Variants in CYRIB observed in about 807,000 individuals in gnomAD.
CYRIB encodes CYFIP related Rac1 interactor B.
In CYRIB, 8 loss-of-function variants were observed where a neutral mutation model predicts 44.2. The observed-to-expected ratio is 0.18, with a 90% confidence interval of 0.11 to 0.33. The LOEUF (loss-of-function observed/expected upper bound fraction) is 0.33. Among genes scored for constraint, CYRIB ranks in the 10% least tolerant of loss-of-function variants. CYRIB has a pLI of 1.00. For synonymous variants in CYRIB, 131 were observed against 127.2 expected (o/e 1.03, Z -0.20); for missense variants, 185 against 382.8 (o/e 0.48, Z 4.31).
exon 6 of CYRIB, chr8:129,855,674 C>A: frequency 6.2e-7 from 1 of 1,613,998 alleles, no homozygotes; most frequent in Non-Finnish European, 8.5e-7. Context: ...CAAGAGCCTG[C>A]TCTCGCTCTA....
intron 1 of CYRIB, among the ~76,000 whole-genome samples, chr8:129,914,488 G>A (rs992291244): frequency 6.6e-6 from 1 of 152,142 alleles, no homozygotes; most frequent in African/African-American, 2.4e-5. Flanking sequence ...TAAAATGTTT[G>A]AAGCTGATTC....
intron 1 of CYRIB, among the ~76,000 whole-genome samples, chr8:129,990,099 TC>T (rs996839018): frequency 2.0e-5 from 3 of 152,126 alleles, no homozygotes; most frequent in Non-Finnish European, 4.4e-5. Flanking sequence ...TTAGAGCACT[TC>T]CCCATCTATG....
At chr8:130,009,849 A>G (rs1312221533) in intron 1 of CYRIB, among the ~76,000 whole-genome samples, 7 of 152,248 alleles carry the variant, frequency 4.6e-5, no homozygotes, top group African/African-American at 1.7e-4. Context: ...AAGGTCATGC[A>G]GCGCTGAGAA....
At chr8:129,997,119 A>AAGGAAGGAGGAGG (rs1554770835) in intron 1 of CYRIB, among the ~76,000 whole-genome samples, 1 of 89,894 alleles carries the variant, frequency 1.1e-5, no homozygotes, top group African/African-American at 1.0e-4. Flanking sequence ...GGAAGGAAGG[A>AAGGAAGGAGGAGG]AGGAGGAGGA....
chr8:129,959,518 T>C (rs1026468074), intron 2 of CYRIB, among the ~76,000 whole-genome samples: 1 of 152,152 alleles, frequency 6.6e-6, no homozygotes, highest in African/African-American at 2.4e-5. Flanking sequence ...CTCACGCCTG[T>C]AATCCCAGCA....
At chr8:129,873,116 AACATTCATATGTAAAGTC>A (rs2057932474) in intron 3 of CYRIB, among the ~76,000 whole-genome samples, 1 of 152,026 alleles carries the variant, frequency 6.6e-6, no homozygotes, top group Non-Finnish European at 1.5e-5. Context: ...ACAATAAAGT[AACATTCATATGTAAAGTC>A]AACTTAAGAA....
Position 129,987,493 on chromosome 8 carries a change from T to C in CYRIB, c.-295-16498A>G, listed in dbSNP as rs538937422. ...ATGCAAACACACCATCCCTCTCTCA[T>C]TGTGGGCCCCGGACTACATTCTCTC... On this transcript the variant is annotated intron_variant, in intron 1 of 14. Transcript: ENST00000401979. 6.6e-5 allele frequency among the ~76,000 whole-genome samples: 10 copies of C among 152,098 alleles called. No homozygotes were observed. In the South Asian group the frequency reaches 1.5e-3, roughly 22 times the overall value.
At chr8:129,915,752 C>A (rs2080422080) in intron 1 of CYRIB, among the ~76,000 whole-genome samples, 2 of 152,140 alleles carry the variant, frequency 1.3e-5, no homozygotes, top group Non-Finnish European at 2.9e-5. Flanking sequence ...AGGCTTGCCA[C>A]AACCCACTAA....
At chr8:129,897,869 G>A (rs951910308) in intron 2 of CYRIB, among the ~76,000 whole-genome samples, 5 of 151,984 alleles carry the variant, frequency 3.3e-5, no homozygotes, top group Admixed American at 2.6e-4. Flanking sequence ...GGGTTCAAGT[G>A]ATTCTCCTGC....
chr8:129,886,609 AAT>A (rs1261908744), intron 2 of CYRIB, among the ~76,000 whole-genome samples: 1 of 152,072 alleles, frequency 6.6e-6, no homozygotes, highest in Admixed American at 6.6e-5. Flanking sequence ...AACCCACTGC[AAT>A]GTGGCTTTTA....
intron 2 of CYRIB, among the ~76,000 whole-genome samples, chr8:129,959,766 C>T (rs1321649447): frequency 2.6e-5 from 4 of 152,206 alleles, no homozygotes; most frequent in Non-Finnish European, 5.9e-5. Flanking sequence ...ATTCCAAGGG[C>T]AGGTCCTGAA....
At chr8:129,919,737 T>C (rs1439073701) in intron 1 of CYRIB, among the ~76,000 whole-genome samples, 2 of 152,204 alleles carry the variant, frequency 1.3e-5, no homozygotes, top group African/African-American at 2.4e-5. Flanking sequence ...TGTTAGCATA[T>C]ACACTAAACT....
intron 9 of CYRIB, 56 bp from the exon 12 acceptor site, chr8:129,849,425 A>C: frequency 6.6e-7 from 1 of 1,526,368 alleles, no homozygotes; most frequent in Non-Finnish European, 8.8e-7. Context: ...TCTTTTTAAA[A>C]ACACACACAC....
intron 2 of CYRIB, among the ~76,000 whole-genome samples, chr8:129,881,048 A>G (rs1345721395): frequency 2.0e-5 from 3 of 152,236 alleles, no homozygotes; most frequent in Non-Finnish European, 4.4e-5. Flanking sequence ...ATAATCAACT[A>G]TACACAACTA....
At chr8:129,867,633 T>C (rs1269253241) in intron 4 of CYRIB, among the ~76,000 whole-genome samples, 2 of 151,952 alleles carry the variant, frequency 1.3e-5, no homozygotes, top group Admixed American at 6.5e-5. Flanking sequence ...AATTCAACAT[T>C]ATTAGTACAG....
chr8:130,006,555 G>T (rs569975017), intron 1 of CYRIB, among the ~76,000 whole-genome samples: 1 of 88,022 alleles, frequency 1.1e-5, no homozygotes, highest in African/African-American at 3.7e-5. Flanking sequence ...GATCAGCCTG[G>T]CCAACATGGT....
Position 129,853,070 on chromosome 8 carries a change from G to A in CYRIB, c.517-792C>T, listed in dbSNP as rs2044195564. Among the ~76,000 whole-genome samples the A allele has an allele frequency of 3.3e-5, 5 of 152,158 alleles. No individual in the cohort carries two copies. In the South Asian group the frequency reaches 1.0e-3, roughly 32 times the overall value. ...AGAAAGAGTGGGAATTAGGCTCTCT[G>A]TTGGAACAGTGGGAGGAGGAGATGG... On this transcript the variant is annotated intron_variant, in intron 7 of 11. Transcript: ENST00000519824.
rs2063564024 is a variant in CYRIB, at chr8:129,888,216, AC to A, written c.-10-8746del. Among the ~76,000 whole-genome samples, 3 of 152,132 alleles carry A rather than the reference AC, an allele frequency of 2.0e-5. No individual in the cohort carries two copies. The South Asian group carries it at 6.2e-4, about 32-fold the overall frequency. On this transcript the variant is annotated intron_variant, in intron 2 of 11. Coordinates refer to ENST00000519824, the Ensembl canonical transcript of CYRIB. Reference sequence around the variant, plus strand: ...ATCTGGTTCTTTTAAAGGGTGGGGCACTTCCCCATCTCTCTTCCTCCTGCTC... The same window carrying A: ...ATCTGGTTCTTTTAAAGGGTGGGGCATTCCCCATCTCTCTTCCTCCTGCTC...
intron 2 of CYRIB, among the ~76,000 whole-genome samples, chr8:129,957,689 G>A (rs575664641): frequency 1.1e-4 from 17 of 152,110 alleles, no homozygotes; most frequent in Middle Eastern, 3.4e-3. Context: ...AAAATTGGCC[G>A]GCGTGGTGGC....
Sources: allele counts gnomAD v4.1 joint callset (sites outside exome capture counted in the v4.1 genomes callset), GRCh38; gene constraint gnomAD v4.1.1; transcripts MANE v1.5; gene names NCBI Gene and HGNC (gene_info 2026-07-23, HGNC 2026-07-21).